Variants in CNTRL observed in about 807,000 individuals in gnomAD.
The protein encoded by CNTRL is 110 kDa centrosomal protein.
Under a neutral mutation model 303.7 loss-of-function variants are expected in CNTRL, and 233 were observed. The ratio of observed to expected loss-of-function variants is 0.77; its 90% CI spans 0.69 to 0.86. CNTRL has a LOEUF of 0.86. Among genes scored for constraint, CNTRL ranks in the 40% least tolerant of loss-of-function variants. CNTRL has a pLI of 0.00. For missense variants in CNTRL, 2,524 were observed against 2,650.6 expected (o/e 0.95, Z 1.05); for synonymous variants, 900 against 922.2 (o/e 0.98, Z 0.44).
intron 27 of CNTRL, 23 bp downstream of exon 27, chr9:121,154,936 G>T (rs753712547): frequency 4.2e-5 from 67 of 1,607,280 alleles, no homozygotes; most frequent in Non-Finnish European, 5.6e-5. Flanking sequence ...GTGGTTTGGG[G>T]TGTGAGCTCA....
chr9:121,140,297 G>A (rs140610714), intron 16 of CNTRL, among the ~76,000 whole-genome samples: 1 of 152,318 alleles, frequency 6.6e-6, no homozygotes, highest in East Asian at 1.9e-4. Context: ...GCTAGTTGAT[G>A]TGTTGACTGG....
intron 14 of CNTRL, among the ~76,000 whole-genome samples, chr9:121,131,974 T>C (rs2050888464): frequency 6.6e-6 from 1 of 152,272 alleles, no homozygotes; most frequent in African/African-American, 2.4e-5. Flanking sequence ...TACTCTCTTC[T>C]GGCTTGTAGA....
chr9:121,140,883 G>C, intron 17 of CNTRL, 97 bp downstream of exon 17: 1 of 1,207,332 alleles, frequency 8.3e-7, no homozygotes, highest in Non-Finnish European at 1.1e-6. Context: ...TCTAAGTTCT[G>C]TTAATGGCAA....
At position 121,162,230 on chromosome 9, in the gene CNTRL, G is replaced by A. The variant is rs1252433459; in HGVS notation, c.5382G>A (p.Glu1794=). The A allele has an allele frequency of 2.5e-6, 4 of 1,613,970 alleles. No individual in the cohort carries two copies. The highest frequency in any genetic ancestry group is 3.4e-6 in the Non-Finnish European group (4 of 1,180,002). Residue 1794 remains glutamate (E), a synonymous_variant, in exon 34 of 44, where the codon GAG becomes GAA. Transcript: ENST00000373855. The part of the protein sequence containing the change: ...CLSKEKEDLQ[E]KCDIWEKKLA... ...GCAAAGAAAAGGAAGATCTCCAAGA[G>A]AAATGTGACATTTGGGAAAAAAAGT...
chr9:121,166,230 C>A lies in CNTRL; in HGVS notation c.5655+50C>A, dbSNP rs1273230140. 3.0e-6 allele frequency: 4 copies of A among 1,321,596 alleles called. No homozygotes were observed. In the South Asian group the frequency reaches 3.9e-5, roughly 13 times the overall value. 81.9% of individuals were successfully genotyped at this position (1,321,596 alleles called of 1,614,324 possible). ...TAGTAGTATACTGAGGGTATGCAGA[C>A]CATTGGTTTAAATAACAAAGAAATC... On this transcript the variant is annotated intron_variant, in intron 36 of 43. Transcript: ENST00000373855.
In CNTRL at chr9:121,157,568, T is replaced by C. The variant is rs141691347; in HGVS notation, c.4464T>C (p.Ala1488=). The stretch of plus-strand genomic sequence containing the variant: ...TAGAAAGGAGAGCTCAGGAAACTGC[T>C]GTTAACCTCGTCAAAGCTGATCAGC... The part of the protein sequence containing the change: ...EELERRAQET[A]VNLVKADQQL... Residue 1488 remains alanine, a synonymous_variant, in exon 28 of 44, where the codon GCT becomes GCC. Transcript: ENST00000373855. 8 of 1,614,178 alleles carry C rather than the reference T, an allele frequency of 5.0e-6. No homozygotes were observed. Among genetic ancestry groups the C allele is most frequent in the Non-Finnish European group, 6.8e-6 (8 of 1,180,012 alleles).
intron 6 of CNTRL, among the ~76,000 whole-genome samples, chr9:121,097,032 G>C (rs1032904301): frequency 6.6e-6 from 1 of 151,104 alleles, no homozygotes; most frequent in Non-Finnish European, 1.5e-5. Context: ...TGATTATAAT[G>C]TTAGGTGTTA....
At position 121,175,100 on chromosome 9, in the gene CNTRL, T is replaced by C. The variant is rs1355627409; in HGVS notation, c.6830T>C (p.Leu2277Ser). 6.2e-7 allele frequency: 1 copy of C among 1,613,926 alleles called. No individual in the cohort carries two copies. Among genetic ancestry groups the C allele is most frequent in the Non-Finnish European group, 8.5e-7 (1 of 1,180,022 alleles). Residue 2277 changes from leucine to serine, a missense_variant, in exon 43 of 44, where the codon TTG (leucine) becomes TCG (serine). Physicochemically the swap from Leu to Ser is moderately radical, Grantham distance 145 (BLOSUM62 -2). Coordinates refer to ENST00000373855, the MANE Select transcript of CNTRL (RefSeq NM_007018.6). Reference protein sequence around the residue: ...KRQTEGTLHSLRRQVDALGEL... With the variant: ...KRQTEGTLHSSRRQVDALGEL... ...CAGACAGAGGGCACTTTACACAGTTTGAGGAGACAAGTAGATGCTTTAGGG... is the reference window on the plus strand; with the variant it reads ...CAGACAGAGGGCACTTTACACAGTTCGAGGAGACAAGTAGATGCTTTAGGG...
intron 7 of CNTRL, among the ~76,000 whole-genome samples, chr9:121,098,830 A>AG: frequency 3.6e-5 from 1 of 27,536 alleles, no homozygotes; most frequent in East Asian, 3.6e-3. Flanking sequence ...GAAGACAGAC[A>AG]AAAAAAAAAA....
At chr9:121,113,310 A>G (rs192066222) in intron 9 of CNTRL, among the ~76,000 whole-genome samples, 192 bp from the exon 10 acceptor site, 85 of 152,294 alleles carry the variant, frequency 5.6e-4, no homozygotes, top group African/African-American at 1.9e-3. Flanking sequence ...GACCATTTTT[A>G]GTTCTAATTT....
At chr9:121,141,203 G>A (rs2051490471) in intron 17 of CNTRL, among the ~76,000 whole-genome samples, 178 bp from the exon 18 acceptor site, 1 of 152,156 alleles carries the variant, frequency 6.6e-6, no homozygotes, top group South Asian at 2.1e-4. Context: ...TTTCAGAGTG[G>A]CAGCAGTCAT....
At chr9:121,102,840 A>G (rs571785663) in intron 7 of CNTRL, among the ~76,000 whole-genome samples, 3 of 152,346 alleles carry the variant, frequency 2.0e-5, no homozygotes, top group South Asian at 2.1e-4. Flanking sequence ...CCAGCTTAAA[A>G]GGGATGTGAA....
chr9:121,126,624 C>T (rs1346855768), intron 14 of CNTRL, among the ~76,000 whole-genome samples: 1 of 152,170 alleles, frequency 6.6e-6, no homozygotes, highest in Non-Finnish European at 1.5e-5. Context: ...TTGAAATCCT[C>T]TGTCTACTCC....
At chr9:121,164,788 T>G (rs898202778) in intron 34 of CNTRL, among the ~76,000 whole-genome samples, 155 bp from the exon 35 acceptor site, 1 of 152,210 alleles carries the variant, frequency 6.6e-6, no homozygotes, top group African/African-American at 2.4e-5. Context: ...AAGCTGATAA[T>G]AAGATTCTGA....
Position 121,142,093 on chromosome 9 carries a change from G to A in CNTRL, c.2694G>A (p.Met898Ile). Reference protein sequence around the residue: ...QACERALEARMNFDKRQHEAR... With the variant: ...QACERALEARINFDKRQHEAR... Reference sequence around the variant, plus strand: ...CTTGAAATTGTATTTCTTCACAGATGAATTTTGATAAGAGGCAACATGAAG... The same window carrying A: ...CTTGAAATTGTATTTCTTCACAGATAAATTTTGATAAGAGGCAACATGAAG... The change falls in exon 19 of 44, where the codon ATG (methionine) becomes ATA (isoleucine). Residue 898 changes from methionine (M) to isoleucine (I), a missense_variant and splice_region_variant. Transcript: ENST00000373855. 6.4e-7 allele frequency: 1 copy of A among 1,573,650 alleles called. No homozygotes were observed. The highest frequency in any genetic ancestry group is 1.2e-5 in the South Asian group (1 of 83,736).
intron 14 of CNTRL, among the ~76,000 whole-genome samples, chr9:121,132,045 T>C (rs1233979497): frequency 1.3e-5 from 2 of 152,246 alleles, no homozygotes; most frequent in Non-Finnish European, 2.9e-5. Context: ...CCAGCCTTTC[T>C]CTCTGGCTGC....
chr9:121,110,154 A>G (rs1321201720), intron 8 of CNTRL, among the ~76,000 whole-genome samples: 3 of 152,174 alleles, frequency 2.0e-5, no homozygotes, highest in African/African-American at 7.2e-5. Flanking sequence ...TTTAAACCGT[A>G]GTAGTCCTGT....
At chr9:121,078,710 A>T (rs762502647) in intron 1 of CNTRL, among the ~76,000 whole-genome samples, 1 of 152,240 alleles carries the variant, frequency 6.6e-6, no homozygotes, top group Admixed American at 6.5e-5. Flanking sequence ...CAGAGTTCCC[A>T]CAACTCCCTC....
At chr9:121,160,974 G>C (rs992025985) in intron 32 of CNTRL, among the ~76,000 whole-genome samples, 1 of 152,108 alleles carries the variant, frequency 6.6e-6, no homozygotes, top group Non-Finnish European at 1.5e-5. Flanking sequence ...GGAAGACCCT[G>C]TTCCACCACA....
Sources: gnomAD v4.1 joint callset for allele counts (sites outside exome capture counted in the v4.1 genomes callset) on GRCh38, gnomAD v4.1.1 for gene constraint, MANE v1.5 for transcripts, NCBI Gene and HGNC (gene_info 2026-07-23, HGNC 2026-07-21) for gene names.